The following MAST1 variants were observed in gnomAD, a reference collection of about 807,000 sequenced individuals.
MAST1 encodes microtubule associated serine/threonine kinase 1.
A neutral mutation model predicts 124.6 loss-of-function variants in MAST1; 40 were observed. The observed-to-expected ratio is 0.32, with a 90% CI of 0.25 to 0.42. The LOEUF is 0.42. MAST1 is among the 10% of genes least tolerant of loss of function. MAST1 has a pLI of 1.00. For missense variants in MAST1, 1,558 were observed against 2,181.9 expected (o/e 0.71, Z 5.70); for synonymous variants, 938 against 939.4 (o/e 1.00, Z 0.03).
chr19:12,864,702 C>G (rs1016941358), intron 12 of MAST1, 107 bp from the exon 13 acceptor site: 1 of 1,451,062 alleles, frequency 6.9e-7, no homozygotes, highest in African/African-American at 1.4e-5. Flanking sequence ...CTCAGTTTCC[C>G]TTATCTATAA....
rs1268923291 is a variant in MAST1, at chr19:12,869,167, C to T, written c.2875C>T (p.Pro959Ser). The T allele has an allele frequency of 1.9e-6, 3 of 1,614,110 alleles. No homozygotes were observed. Among genetic ancestry groups the T allele is most frequent in the East Asian group, 2.2e-5 (1 of 44,900 alleles). ...RDSSPSRDYS[P>S]AVSGLRSPIT... ...CTCCTCACCCAGCCGGGACTACTCA[C>T]CAGCTGTCAGTGGGCTCCGCTCCCC... is the stretch of plus-strand genomic sequence containing the variant. The change falls in exon 22 of 26, where the codon CCA becomes TCA. Residue 959 changes from proline to serine, a missense_variant. Pro to Ser is a moderately conservative substitution (Grantham distance 74). This residue lies in a region of MAST1 where 291 missense variants were observed against 475.8 expected (regional missense o/e 0.61). Coordinates refer to ENST00000251472, the MANE Select transcript of MAST1 (RefSeq NM_014975.3).
rs773102158 is a variant in MAST1, at chr19:12,847,765, G to A, written c.564+78G>A. ...CTCGCCTTATCCCCGCGCGCCCCCT[G>A]GCGGCCTCGGTGCGCAGCGCAGGCT... is the stretch of plus-strand genomic sequence containing the variant. On this transcript the variant is annotated intron_variant, in intron 6 of 25. Transcript: ENST00000251472. The surrounding 1 kb of genome is among the most constrained non-coding windows in gnomAD (Gnocchi z 5.5). 5.3e-4 allele frequency: 835 copies of A among 1,584,892 alleles called. 1 individual carries two copies. Among genetic ancestry groups the A allele is most frequent in the Non-Finnish European group, 7.0e-4 (810 of 1,162,428 alleles).
At chr19:12,855,584 C>T (rs1043674829) in intron 10 of MAST1, among the ~76,000 whole-genome samples, 1 of 152,172 alleles carries the variant, frequency 6.6e-6, no homozygotes, top group Non-Finnish European at 1.5e-5. Flanking sequence ...GGTCTACTGG[C>T]CCCTGAAGAC....
chr19:12,854,126 T>TC (rs1003318280), intron 10 of MAST1, among the ~76,000 whole-genome samples: 13 of 147,664 alleles, frequency 8.8e-5, no homozygotes, highest in African/African-American at 2.7e-4. Flanking sequence ...GATATTTCTT[T>TC]TTTTTTTTTT....
chr19:12,866,699 C>A lies in MAST1; in HGVS notation c.2076C>A (p.Asp692Glu). The A allele has an allele frequency of 6.2e-7, 1 of 1,613,978 alleles. No individual in the cohort carries two copies. Among genetic ancestry groups the A allele is most frequent in the Non-Finnish European group, 8.5e-7 (1 of 1,179,986 alleles). ...YHHVNSYDED[D>E]TTEEEPVEIR... is the part of the protein sequence containing the mutation. ...ACGTGAACTCCTATGACGAGGATGA[C>A]ACGACGGAGGAGGAGCCCGTGGAAA... Residue 692 changes from aspartate to glutamate, a missense_variant, in exon 18 of 26, where the codon GAC (aspartate) becomes GAA (glutamate). Asp to Glu is a conservative substitution (Grantham distance 45, BLOSUM62 2). Transcript: ENST00000251472. The surrounding 1 kb of genome is among the most constrained non-coding windows in gnomAD (Gnocchi z 5.2).
chr19:12,852,156 C>G lies in MAST1; in HGVS notation c.918C>G (p.Ala306=). The change falls in exon 9 of 26, where the codon GCC becomes GCG. Residue 306 remains alanine (A), a synonymous_variant. Transcript: ENST00000251472. ...AGTTCTACCACCTGCTGGAGGCGGC[C>G]GAAGGACACGCCAAGGAGGGCCACC... is the stretch of plus-strand genomic sequence containing the variant. ...PEEFYHLLEA[A]EGHAKEGHLV... is the part of the protein sequence containing the mutation. 1 of 1,613,936 alleles carries G rather than the reference C, an allele frequency of 6.2e-7. No individual in the cohort carries two copies. Among genetic ancestry groups the G allele is most frequent in the Non-Finnish European group, 8.5e-7 (1 of 1,179,970 alleles).
At position 12,866,938 on chromosome 19, in the gene MAST1, C is replaced by T. The variant is rs1272007532; in HGVS notation, c.2139+176C>T. Among the ~76,000 whole-genome samples the T allele has an allele frequency of 1.4e-5, 2 of 145,402 alleles. No individual in the cohort carries two copies. The highest frequency in any genetic ancestry group is 3.0e-5 in the Non-Finnish European group (2 of 66,604). ...GAGGCAGGTTCGGGAGTCTATGGGA[C>T]GGGCCTTTGGCACTGAGTGGAATCT... On this transcript the variant is annotated intron_variant, in intron 18 of 25. Coordinates refer to ENST00000251472, the MANE Select transcript of MAST1 (RefSeq NM_014975.3). This position sits in a 1 kb window ranked among gnomAD's most constrained non-coding sequence, Gnocchi z 5.2.
chr19:12,872,196 C>A (rs1267703390), intron 24 of MAST1, among the ~76,000 whole-genome samples: 1 of 152,130 alleles, frequency 6.6e-6, no homozygotes, highest in African/African-American at 2.4e-5. Context: ...CAACTGAAAT[C>A]CTATTTTCCC....
intron 1 of MAST1, among the ~76,000 whole-genome samples, chr19:12,839,882 C>T (rs550692539): frequency 1.3e-5 from 2 of 151,928 alleles, no homozygotes; most frequent in African/African-American, 4.8e-5. Flanking sequence ...GCACTCCAGC[C>T]GGGCGACAGA....
At chr19:12,873,556 G>A (rs1434394536) in intron 25 of MAST1, 45 bp downstream of exon 25, 1 of 1,582,510 alleles carries the variant, frequency 6.3e-7, no homozygotes, top group Non-Finnish European at 8.6e-7. Flanking sequence ...GCGCGGGGTG[G>A]CCTGGCTGGT....
Position 12,871,144 on chromosome 19 carries a change from C to G in MAST1, c.3235C>G (p.Arg1079Gly), listed in dbSNP as rs1164463697. 1.2e-6 allele frequency: 2 copies of G among 1,614,008 alleles called. No individual in the cohort carries two copies. The highest frequency in any genetic ancestry group is 1.7e-6 in the Non-Finnish European group (2 of 1,180,028). The change falls in exon 24 of 26, where the codon CGA (arginine) becomes GGA (glycine). Residue 1079 changes from arginine (R) to glycine (G), a missense_variant. Around this residue, in one of 10 missense-constraint regions of MAST1, gnomAD observed 291 missense variants for 475.8 expected, o/e 0.61. Coordinates refer to ENST00000251472, the MANE Select transcript of MAST1 (RefSeq NM_014975.3). ...GGCTAAAATGGCTCGGAGGAACAAGCGACCCTCCGCCAAGGAGGGCCAGGA... is the reference window on the plus strand; with the variant it reads ...GGCTAAAATGGCTCGGAGGAACAAGGGACCCTCCGCCAAGGAGGGCCAGGA... ...YKAKMARRNK[R>G]PSAKEGQESK...
intron 22 of MAST1, 58 bp from the exon 23 acceptor site, chr19:12,870,766 G>T: frequency 6.6e-7 from 1 of 1,525,924 alleles, no homozygotes; most frequent in South Asian, 1.3e-5. Flanking sequence ...ATAAGTTTAG[G>T]AGCTTTCCTT....
intron 1 of MAST1, 27 bp from the exon 2 acceptor site, chr19:12,840,419 G>T (rs1453196518): frequency 3.9e-6 from 6 of 1,533,312 alleles, no homozygotes; most frequent in East Asian, 2.3e-5. Context: ...GGCCCGGCCC[G>T]GCCCCCCTGC....
Position 12,841,083 on chromosome 19 carries a change from C to A in MAST1, c.248+17C>A. ...CTCCCGAAGGTGAGTCCCTCCCCTC[C>A]AGGGCCCCAGAACCCTGGGCAGACC... On this transcript the variant is annotated intron_variant, in intron 3 of 25. Coordinates refer to ENST00000251472, the MANE Select transcript of MAST1 (RefSeq NM_014975.3). The surrounding 1 kb of genome is among the most constrained non-coding windows in gnomAD (Gnocchi z 4.3). The A allele has an allele frequency of 7.3e-7, 1 of 1,376,252 alleles. No homozygotes were observed. 85.3% of individuals were successfully genotyped at this position (1,376,252 alleles called of 1,614,324 possible). A position where few individuals can be genotyped will look rare whatever the true frequency, so the allele number is the denominator to read the frequency against.
At chr19:12,872,905 CAAAAA>C (rs907074663) in intron 24 of MAST1, among the ~76,000 whole-genome samples, 1 of 81,302 alleles carries the variant, frequency 1.2e-5, no homozygotes. Context: ...AACTTCGTCT[CAAAAA>C]AAAAAAAAAA....
intron 22 of MAST1, 145 bp from the exon 23 acceptor site, chr19:12,870,679 A>AAAAAT: frequency 1.1e-6 from 1 of 908,192 alleles, no homozygotes; most frequent in Non-Finnish European, 1.6e-6. Flanking sequence ...AAAAAAAAAA[A>AAAAAT]TGTGGGGGGA....
At position 12,847,531 on chromosome 19, in the gene MAST1, A is replaced by G. The variant is rs768783186; in HGVS notation, c.488+81A>G. 1.8e-5 allele frequency: 29 copies of G among 1,610,570 alleles called. No homozygotes were observed. The highest frequency in any genetic ancestry group is 2.4e-5 in the Non-Finnish European group (28 of 1,177,902). ...TAGAGAGACCCCTGTCCCCGCGAAT[A>G]AAAGGGTTACATCTTGGGGCGGGGG... On this transcript the variant is annotated intron_variant, in intron 5 of 25. Transcript: ENST00000251472. The surrounding 1 kb of genome is among the most constrained non-coding windows in gnomAD (Gnocchi z 5.5).
At position 12,858,388 on chromosome 19, in the gene MAST1, G is replaced by T. The variant is rs1246647077; in HGVS notation, c.1104G>T (p.Pro368=). Residue 368 remains proline (P), a synonymous_variant, in exon 11 of 26, where the codon CCG becomes CCT. Transcript: ENST00000251472. ...GCCGCAGCAGCAAGGCCAAGAAACC[G>T]CCGGGGGAGAATGACTTCGATACCA... ...SEGRSSKAKK[P]PGENDFDTIK... 3 of 1,614,010 alleles carry T rather than the reference G, an allele frequency of 1.9e-6. No homozygotes were observed. In the East Asian group the frequency reaches 6.7e-5, roughly 36 times the overall value.
rs190617713 is a variant in MAST1 at position 12,873,417 on chromosome 19, A to C, written c.3357A>C (p.Ser1119=). Residue 1119 remains serine (S), a synonymous_variant, in exon 25 of 26, where the codon TCA becomes TCC. Transcript: ENST00000251472. ...TGTCGTCGCTGAACCGCTCGCTGTC[A>C]TCCAGCGATAGTCTCCCGGGCTCGC... ...RSLSSLNRSL[S]SSDSLPGSPT... The C allele has an allele frequency of 1.2e-6, 2 of 1,613,800 alleles. No individual in the cohort carries two copies. The highest frequency in any genetic ancestry group is 1.7e-6 in the Non-Finnish European group (2 of 1,179,970).
Sources: gnomAD v4.1 joint callset for allele counts (sites outside exome capture counted in the v4.1 genomes callset) on GRCh38, gnomAD v4.1.1 for gene constraint, gnomAD v4.1.1 regional missense constraint, Gnocchi (gnomAD v3.1) non-coding constraint, MANE v1.5 for transcripts, NCBI Gene and HGNC (gene_info 2026-07-23, HGNC 2026-07-21) for gene names.